GRIP1: variants seen among roughly 807,000 people sequenced by gnomAD.
GRIP1 encodes glutamate receptor interacting protein 1.
GRIP1 carries 45 observed loss-of-function variants against 129.9 expected under a neutral mutation model. That is an observed-to-expected ratio of 0.35 (90% CI 0.27 to 0.44). The LOEUF is 0.44. Ranked by LOEUF, GRIP1 falls within the 20% of genes least tolerant of loss-of-function variation. The pLI, the probability that GRIP1 is intolerant of heterozygous loss-of-function variation, is 1.00. For synonymous variants in GRIP1, 530 were observed against 520.8 expected, an observed-to-expected ratio of 1.02 and a Z score of -0.24; for missense variants, 1,196 against 1,396.8, an observed-to-expected ratio of 0.86 and a Z score of 2.29.
At chr12:66,882,385 A>G (rs1234736869) in intron 1 of GRIP1, among the ~76,000 whole-genome samples, 1 of 152,186 alleles carries the variant, frequency 6.6e-6, no homozygotes, top group Non-Finnish European at 1.5e-5. Context: ...ATGCAAACTA[A>G]TACCTGTTTT....
Position 66,444,747 on chromosome 12 carries a change from G to A in GRIP1, c.1542-18C>T, listed in dbSNP as rs2058573232. 1 of 1,613,026 alleles carries A rather than the reference G, an allele frequency of 6.2e-7. No individual in the cohort carries two copies. On this transcript the variant is annotated intron_variant, in intron 12 of 24. Transcript: ENST00000359742. ...CCCCACATCTAATTTAGAACCACAT[G>A]TGAGAGGTTGTAGATGGAGTAAATA...
intron 1 of GRIP1, among the ~76,000 whole-genome samples, chr12:67,052,616 C>T (rs568354643): frequency 4.7e-4 from 72 of 152,048 alleles, no homozygotes; most frequent in African/African-American, 1.4e-3. Context: ...AAAAATTAGC[C>T]GGGTGTGGTG....
At chr12:66,539,421 T>G (rs994150064) in intron 3 of GRIP1, among the ~76,000 whole-genome samples, 198 bp from the exon 4 acceptor site, 9 of 152,058 alleles carry the variant, frequency 5.9e-5, no homozygotes, top group African/African-American at 2.2e-4. Context: ...GAGCCAGGGA[T>G]CCCTTTTACT....
chr12:67,052,584 C>A (rs1303709130), intron 1 of GRIP1, among the ~76,000 whole-genome samples: 1 of 151,968 alleles, frequency 6.6e-6, no homozygotes, highest in Non-Finnish European at 1.5e-5. Flanking sequence ...ACAGTGAAAC[C>A]CCGTTTCTAC....
At chr12:66,673,468 CCTT>C (rs1437013007) in intron 1 of GRIP1, among the ~76,000 whole-genome samples, 1 of 151,500 alleles carries the variant, frequency 6.6e-6, no homozygotes, top group Non-Finnish European at 1.5e-5. Context: ...GGTGTAGACT[CCTT>C]CTTGTTTATA....
chr12:66,388,046 AG>A (rs1249036264), intron 19 of GRIP1, among the ~76,000 whole-genome samples: 4 of 152,100 alleles, frequency 2.6e-5, no homozygotes, highest in African/African-American at 9.6e-5. Flanking sequence ...ACTGAATGAA[AG>A]AGTAAAATTA....
chr12:66,577,752 C>A (rs187319795), intron 2 of GRIP1, among the ~76,000 whole-genome samples: 5 of 152,210 alleles, frequency 3.3e-5, no homozygotes, highest in Non-Finnish European at 7.4e-5. Flanking sequence ...GAATTCAAAA[C>A]CATCCTGGGC....
intron 1 of GRIP1, among the ~76,000 whole-genome samples, chr12:66,684,836 C>G (rs190676224): frequency 3.9e-5 from 6 of 152,206 alleles, no homozygotes; most frequent in Admixed American, 2.0e-4. Context: ...CAGAGCAAGA[C>G]TCTGTCGAAA....
intron 2 of GRIP1, among the ~76,000 whole-genome samples, chr12:66,575,058 C>T (rs2063098362): frequency 6.6e-6 from 1 of 152,146 alleles, no homozygotes; most frequent in African/African-American, 2.4e-5. Context: ...AGGCATTAGC[C>T]ACCGTGCCCG....
intron 19 of GRIP1, among the ~76,000 whole-genome samples, chr12:66,389,955 G>A (rs2056518767): frequency 1.3e-5 from 2 of 152,222 alleles, no homozygotes; most frequent in African/African-American, 4.8e-5. Flanking sequence ...AGACCCAATA[G>A]CTGTCTTCGA....
At chr12:67,041,104 C>T (rs940456814) in intron 1 of GRIP1, among the ~76,000 whole-genome samples, 2 of 152,114 alleles carry the variant, frequency 1.3e-5, no homozygotes, top group South Asian at 4.1e-4. Context: ...TTTTTGGACT[C>T]ATCTCCATAA....
At chr12:66,420,412 A>G (rs1194156701) in intron 15 of GRIP1, among the ~76,000 whole-genome samples, 1 of 125,002 alleles carries the variant, frequency 8.0e-6, no homozygotes, top group Non-Finnish European at 1.6e-5. Flanking sequence ...TGCTACTTTC[A>G]GGGTTTTTTT....
At chr12:66,584,253 T>C (rs1209769000) in intron 2 of GRIP1, among the ~76,000 whole-genome samples, 1 of 145,932 alleles carries the variant, frequency 6.9e-6, no homozygotes, top group East Asian at 2.0e-4. Flanking sequence ...CTCTGGGGAC[T>C]GTTGTGGGGT....
intron 2 of GRIP1, among the ~76,000 whole-genome samples, chr12:66,555,721 C>T (rs1003130253): frequency 1.3e-5 from 2 of 151,962 alleles, no homozygotes; most frequent in South Asian, 4.2e-4. Flanking sequence ...CAAAGAGATT[C>T]AAATAATTAA....
chr12:67,064,358 T>A (rs149451608), intron 1 of GRIP1, among the ~76,000 whole-genome samples: 1,605 of 152,316 alleles, frequency 0.011, 24 homozygotes, highest in African/African-American at 0.037. Flanking sequence ...TAACTTGACT[T>A]CTTTTTAAAT....
intron 1 of GRIP1, among the ~76,000 whole-genome samples, chr12:66,915,956 T>C (rs1820274180): frequency 6.6e-6 from 1 of 152,170 alleles, no homozygotes. Context: ...GAGAAACTCA[T>C]CATGCCAGAA....
chr12:66,805,978 C>CT (rs79756327), upstream of GRIP1, among the ~76,000 whole-genome samples: 502 of 126,372 alleles, frequency 4.0e-3, no homozygotes, highest in Middle Eastern at 0.03. Context: ...TTTTTTTTTT[C>CT]TTTTTTTTTT....
intron 5 of GRIP1, among the ~76,000 whole-genome samples, chr12:66,525,999 G>C (rs1376603114): frequency 6.6e-6 from 1 of 152,094 alleles, no homozygotes; most frequent in Non-Finnish European, 1.5e-5. Context: ...TCTTCAAGGA[G>C]AACTACAAAC....
At chr12:67,053,333 T>C (rs2043378604) in intron 1 of GRIP1, among the ~76,000 whole-genome samples, 1 of 152,232 alleles carries the variant, frequency 6.6e-6, no homozygotes, top group African/African-American at 2.4e-5. Flanking sequence ...TCCTGCCCTA[T>C]TGTTTAAAAT....
Sources: allele counts gnomAD v4.1 joint callset (sites outside exome capture counted in the v4.1 genomes callset), GRCh38; gene constraint gnomAD v4.1.1; transcripts MANE v1.5; gene names NCBI Gene and HGNC (gene_info 2026-07-23, HGNC 2026-07-21).